The following PHF20L1 variants were observed in gnomAD, a reference collection of about 807,000 sequenced individuals.
PHF20L1 encodes the protein PHD finger protein 20 like 1, also known as PHD finger protein 20-like protein 1.
PHF20L1 carries 44 observed loss-of-function variants against 125.5 expected under a neutral mutation model. The ratio of observed to expected loss-of-function variants is 0.35; its 90% CI spans 0.28 to 0.45. The LOEUF (loss-of-function observed/expected upper bound fraction) is 0.45. Ranked by LOEUF, PHF20L1 falls within the 20% of genes least tolerant of loss-of-function variation. The pLI is 1.00. For missense variants in PHF20L1, 1,012 were observed against 1,217.2 expected (o/e 0.83, Z 2.51); for synonymous variants, 380 against 403.1 (o/e 0.94, Z 0.69).
At chr8:132,821,123 G>A (rs1023243542) in intron 12 of PHF20L1, among the ~76,000 whole-genome samples, 3 of 151,900 alleles carry the variant, frequency 2.0e-5, no homozygotes, top group African/African-American at 2.4e-5. Context: ...TTTTCGGGTA[G>A]CATTCGATGA....
intron 12 of PHF20L1, among the ~76,000 whole-genome samples, chr8:132,819,545 G>A (rs1043695925): frequency 2.0e-5 from 3 of 151,292 alleles, no homozygotes; most frequent in African/African-American, 7.3e-5. Flanking sequence ...TGAAATTCTC[G>A]GTGGTCTCTA....
chr8:132,817,269 A>C, intron 11 of PHF20L1, 70 bp from the exon 12 acceptor site: 1 of 1,293,340 alleles, frequency 7.7e-7, no homozygotes, highest in South Asian at 1.3e-5. Flanking sequence ...GTAACACTTT[A>C]ATTCACAGTG....
chr8:132,808,774 T>G (rs1834021504), intron 8 of PHF20L1: 1 of 151,540 alleles, frequency 6.6e-6, no homozygotes, highest in South Asian at 2.1e-4. Flanking sequence ...ACAGTTGATG[T>G]GGTATGAGAC....
Position 132,799,150 on chromosome 8 carries a change from G to T in PHF20L1, c.485G>T (p.Cys162Phe). 6.2e-7 allele frequency: 1 copy of T among 1,608,868 alleles called. No homozygotes were observed. Among genetic ancestry groups the T allele is most frequent in the Non-Finnish European group, 8.5e-7 (1 of 1,176,548 alleles). ...WCCPIDPAGSCNQSMGSEDWI... is the reference protein window; with the variant it reads ...WCCPIDPAGSFNQSMGSEDWI... The stretch of plus-strand genomic sequence containing the variant: ...TGTCCTATCGACCCAGCTGGATCGT[G>T]TAACCAGTCTATGGGAAGTGAGGTA... The change falls in exon 6 of 21, where the codon TGT (cysteine) becomes TTT (phenylalanine). Residue 162 changes from cysteine to phenylalanine, a missense_variant. By Grantham distance (205) the Cys-to-Phe change is radical. This residue lies in a region of PHF20L1 where 134 missense variants were observed against 145.9 expected (regional missense o/e 0.92). Coordinates refer to ENST00000395386, the MANE Select transcript of PHF20L1 (RefSeq NM_016018.5).
chr8:132,823,868 C>T, intron 12 of PHF20L1, 136 bp from the exon 13 acceptor site: 1 of 535,454 alleles, frequency 1.9e-6, no homozygotes, highest in Non-Finnish European at 3.4e-6. Flanking sequence ...GTTACCAGTT[C>T]AGGCAGTAAA....
intron 1 of PHF20L1, among the ~76,000 whole-genome samples, chr8:132,777,490 A>G (rs1453554416): frequency 1.3e-5 from 2 of 152,232 alleles, no homozygotes; most frequent in African/African-American, 4.8e-5. Context: ...GGGTATCTGG[A>G]AGCTCAAATG....
At chr8:132,843,762 A>G in intron 19 of PHF20L1, 1 of 985,160 alleles carries the variant, frequency 1.0e-6, no homozygotes, top group Non-Finnish European at 1.2e-6. Flanking sequence ...GTCTTTGGAA[A>G]CGCTCTTGAT....
chr8:132,793,318 G>A (rs891416326), intron 2 of PHF20L1, among the ~76,000 whole-genome samples: 1 of 152,112 alleles, frequency 6.6e-6, no homozygotes, highest in Non-Finnish European at 1.5e-5. Flanking sequence ...TCAAAAGATC[G>A]AAGAAGCTCT....
chr8:132,787,213 T>G (rs1372964956), intron 2 of PHF20L1, among the ~76,000 whole-genome samples: 1 of 151,512 alleles, frequency 6.6e-6, no homozygotes, highest in Non-Finnish European at 1.5e-5. Flanking sequence ...TTGATTTGGT[T>G]AGAACTGACA....
intron 2 of PHF20L1, among the ~76,000 whole-genome samples, chr8:132,790,765 T>C (rs1831596243): frequency 6.6e-6 from 1 of 152,220 alleles, no homozygotes; most frequent in African/African-American, 2.4e-5. Flanking sequence ...TGAGTTATGC[T>C]CTGTGTATAC....
intron 6 of PHF20L1, among the ~76,000 whole-genome samples, chr8:132,800,345 A>C (rs1000972910): frequency 4.0e-5 from 6 of 151,570 alleles, no homozygotes; most frequent in African/African-American, 1.5e-4. Flanking sequence ...TTAATTTTTC[A>C]TTTTTTTCTT....
intron 8 of PHF20L1, 44 bp downstream of exon 8, chr8:132,804,784 T>C: frequency 6.7e-7 from 1 of 1,487,428 alleles, no homozygotes; most frequent in Non-Finnish European, 9.2e-7. Context: ...AAATGGAAGG[T>C]TTAATTTTAG....
intron 6 of PHF20L1, among the ~76,000 whole-genome samples, chr8:132,803,017 C>A (rs747019302): frequency 6.6e-6 from 1 of 151,776 alleles, no homozygotes; most frequent in African/African-American, 2.4e-5. Context: ...ACACTTTATA[C>A]TTCCTTACAC....
At chr8:132,826,922 G>A (rs1836248443) in intron 14 of PHF20L1, 1 of 151,896 alleles carries the variant, frequency 6.6e-6, no homozygotes, top group Non-Finnish European at 1.5e-5. Flanking sequence ...TTTTGTGGTT[G>A]GTAATCATTG....
chr8:132,797,218 C>T (rs996333832), intron 4 of PHF20L1, among the ~76,000 whole-genome samples: 2 of 151,962 alleles, frequency 1.3e-5, no homozygotes, highest in Admixed American at 1.3e-4. Context: ...GGTGGATAGG[C>T]CTGCCCGCTC....
chr8:132,804,792 T>G, intron 8 of PHF20L1, 52 bp downstream of exon 8: 1 of 1,431,174 alleles, frequency 7.0e-7, no homozygotes, highest in Non-Finnish European at 9.6e-7. Flanking sequence ...GGTTTAATTT[T>G]AGAGTAATTT....
intron 2 of PHF20L1, among the ~76,000 whole-genome samples, chr8:132,781,595 A>AT (rs779414941): frequency 1.1e-4 from 17 of 150,934 alleles, no homozygotes; most frequent in East Asian, 3.9e-4. Flanking sequence ...TGCCCAGCTA[A>AT]TTTTTTTTTG....
chr8:132,800,539 T>G (rs1349710877), intron 6 of PHF20L1, among the ~76,000 whole-genome samples: 1 of 151,654 alleles, frequency 6.6e-6, no homozygotes, highest in Non-Finnish European at 1.5e-5. Flanking sequence ...TCTTCTAAAT[T>G]TTGAGTACTT....
rs1403255377 is a variant in PHF20L1 at position 132,832,377 on chromosome 8, A to G, written c.1887A>G (p.Leu629=). 1 of 1,611,744 alleles carries G rather than the reference A, an allele frequency of 6.2e-7. No homozygotes were observed. Among genetic ancestry groups the G allele is most frequent in the Non-Finnish European group, 8.5e-7 (1 of 1,178,342 alleles). Residue 629 remains leucine (L), a synonymous_variant, in exon 15 of 21, where the codon CTA becomes CTG. Transcript: ENST00000395386. The part of the protein sequence containing the change: ...TTTYQYPRAI[L]SVDLSGENLS... ...CCTATCAGTACCCAAGGGCAATTCT[A>G]TCCGTTGATCTTAGTGGTGAAAGTA... is the stretch of plus-strand genomic sequence containing the variant.
Sources: gnomAD v4.1 joint callset for allele counts (sites outside exome capture counted in the v4.1 genomes callset) on GRCh38, gnomAD v4.1.1 for gene constraint, gnomAD v4.1.1 regional missense constraint, MANE v1.5 for transcripts, NCBI Gene and HGNC (gene_info 2026-07-23, HGNC 2026-07-21) for gene names.